SMIM19: variants seen among roughly 807,000 people sequenced by gnomAD.
SMIM19 encodes the protein small integral membrane protein 19.
In SMIM19, 6 loss-of-function variants were observed where a neutral mutation model predicts 13.2. The ratio of observed to expected loss-of-function variants is 0.45; its 90% CI spans 0.25 to 0.90. The LOEUF is 0.90. Ranked by LOEUF, SMIM19 falls within the 40% of genes least tolerant of loss-of-function variation. The probability of loss-of-function intolerance (pLI) is 0.19; values close to 1 mark genes in which losing one functional copy is unlikely to be tolerated. For missense variants in SMIM19, 138 were observed against 131.0 expected (o/e 1.05, Z -0.26); for synonymous variants, 46 against 43.1 (o/e 1.07, Z -0.27).
rs534244281 is a variant in SMIM19 at position 42,544,793 on chromosome 8, C to G, written c.-4-1676C>G. Among the ~76,000 whole-genome samples the G allele has an allele frequency of 5.4e-4, 82 of 152,290 alleles. 2 individuals are homozygous for G. The South Asian group carries it at 0.016, about 30-fold the overall frequency. On this transcript the variant is annotated intron_variant, in intron 1 of 3. Transcript: ENST00000417410. ...ACATGCCATGTGGCTTAGGAACAGA[C>G]CTCTCCTGAAATTTCATTTTTCTCA...
rs1350737173 is a variant in SMIM19, at chr8:42,554,049, T to A, written c.*1441T>A. 2 of 152,104 alleles carry A rather than the reference T, an allele frequency of 1.3e-5. No homozygotes were observed. Among genetic ancestry groups the A allele is most frequent in the African/African-American group, 4.8e-5 (2 of 41,418 alleles). The allele number at this position is 152,104 out of a possible 1,614,324, so 9.4% of individuals were successfully genotyped here. A position where few individuals can be genotyped will look rare whatever the true frequency, so the allele number is the denominator to read the frequency against. Reference sequence around the variant, plus strand: ...TTTCCCCTTATTGTGAAATAAACTATATACATTTTAAATGGAAATTAAGGT... The same window carrying A: ...TTTCCCCTTATTGTGAAATAAACTAAATACATTTTAAATGGAAATTAAGGT... On this transcript the variant is annotated 3_prime_UTR_variant, in exon 4 of 4. Transcript: ENST00000417410.
At chr8:42,548,136 A>C (rs1586327731) in intron 2 of SMIM19, among the ~76,000 whole-genome samples, 1 of 152,120 alleles carries the variant, frequency 6.6e-6, no homozygotes, top group South Asian at 2.1e-4. Context: ...TCCTCTAAAA[A>C]CAGCCACCGC....
Position 42,546,482 on chromosome 8 carries a change from G to T in SMIM19, c.10G>T (p.Gly4Cys), listed in dbSNP as rs368151499. ...TCTCTCTTACAGCCCCATGGCTGGG[G>T]GTTATGGAGTGATGGGTGACGATGG... MAGGYGVMGDDGSI... is the reference protein window; with the variant it reads MAGCYGVMGDDGSI... The change falls in exon 2 of 4, where the codon GGT becomes TGT. Residue 4 changes from glycine to cysteine, a missense_variant. Transcript: ENST00000417410. 19 of 1,611,422 alleles carry T rather than the reference G, an allele frequency of 1.2e-5. No individual in the cohort carries two copies. The African/African-American group carries it at 1.3e-4, about 11-fold the overall frequency.
chr8:42,541,470 G>A (rs1813151368), upstream of SMIM19: 1 of 147,236 alleles, frequency 6.8e-6, no homozygotes, highest in Non-Finnish European at 1.5e-5. Context: ...GGGCGGCACT[G>A]GGGCCGCCGC....
chr8:42,548,514 G>A, intron 2 of SMIM19, 142 bp from the exon 3 acceptor site: 1 of 1,043,802 alleles, frequency 9.6e-7, no homozygotes, highest in Non-Finnish European at 1.4e-6. Context: ...CAAGGAAGCA[G>A]CTCTCAAAGA....
Position 42,542,982 on chromosome 8 carries a change from T to TAAAA in SMIM19, c.-5+622_-5+625dup, listed in dbSNP as rs57392162. On this transcript the variant is annotated intron_variant, in intron 1 of 3. Transcript: ENST00000417410. ...GTGACAGAGTGAGACCCTGTTTTTGTAAAAAAAAAAAAAAAAGTAGTTCTC... is the reference window on the plus strand; with the variant it reads ...GTGACAGAGTGAGACCCTGTTTTTGTAAAAAAAAAAAAAAAAAAAAGTAGTTCTC... 3.3e-3 allele frequency among the ~76,000 whole-genome samples: 456 copies of TAAAA among 139,786 alleles called. 2 individuals carry two copies. The highest frequency in any genetic ancestry group is 0.019 in the East Asian group (89 of 4,762). The allele number at this position is 139,786 out of a possible 152,430, so 91.7% of individuals were successfully genotyped here.
chr8:42,551,336 A>ATCT (rs1813670828), intron 3 of SMIM19, among the ~76,000 whole-genome samples: 1 of 151,600 alleles, frequency 6.6e-6, no homozygotes, highest in African/African-American at 2.4e-5. Context: ...AAAACTTAGA[A>ATCT]GAGATTGAAA....
At chr8:42,551,684 G>A (rs1813679341) in intron 3 of SMIM19, among the ~76,000 whole-genome samples, 1 of 152,294 alleles carries the variant, frequency 6.6e-6, no homozygotes, top group East Asian at 1.9e-4. Flanking sequence ...GCTCACACCT[G>A]TAATCCCAGC....
chr8:42,548,622 A>C (rs1305676322), intron 2 of SMIM19, 34 bp from the exon 3 acceptor site: 2 of 1,611,768 alleles, frequency 1.2e-6, no homozygotes, highest in African/African-American at 2.7e-5. Flanking sequence ...AGACATTAAT[A>C]CAAACATCTC....
intron 3 of SMIM19, among the ~76,000 whole-genome samples, chr8:42,551,621 TAAAG>T (rs1563570302): frequency 6.6e-6 from 1 of 152,028 alleles, no homozygotes; most frequent in Non-Finnish European, 1.5e-5. Context: ...TGACAGGTAA[TAAAG>T]GAAGAAATTA....
intron 3 of SMIM19, among the ~76,000 whole-genome samples, chr8:42,551,632 A>G (rs1586331831): frequency 6.6e-6 from 1 of 152,036 alleles, no homozygotes; most frequent in African/African-American, 2.4e-5. Flanking sequence ...AAAGGAAGAA[A>G]TTACTAAACA....
rs904797960 is a variant in SMIM19, at chr8:42,553,388, G to A, written c.*780G>A. ...CTACTTTAGGCCATACTGGGGACCT[G>A]CTGTTGAATAAATGGATGCCTGTGT... On this transcript the variant is annotated 3_prime_UTR_variant, in exon 4 of 4. Transcript: ENST00000417410. The A allele has an allele frequency of 6.6e-6, 1 of 152,174 alleles. No individual in the cohort carries two copies. Among genetic ancestry groups the A allele is most frequent in the Non-Finnish European group, 1.5e-5 (1 of 68,054 alleles). 9.4% of individuals were successfully genotyped at this position (152,174 alleles called of 1,614,324 possible).
At chr8:42,548,299 C>T in intron 2 of SMIM19, 1 of 437,458 alleles carries the variant, frequency 2.3e-6, no homozygotes, top group South Asian at 1.6e-5. Flanking sequence ...TTCTCCAGCC[C>T]AGTCATTTAG....
rs150657179 is a variant in SMIM19, at chr8:42,547,461, A to G, written c.134+855A>G. ...AACTCTCAATTCTGCAATTTCTAATATAGCCCAATTTTATCATCCAGCCTG... is the reference window on the plus strand; with the variant it reads ...AACTCTCAATTCTGCAATTTCTAATGTAGCCCAATTTTATCATCCAGCCTG... On this transcript the variant is annotated intron_variant, in intron 2 of 3. Transcript: ENST00000417410. Among the ~76,000 whole-genome samples the G allele has an allele frequency of 7.2e-5, 11 of 152,274 alleles. No individual in the cohort carries two copies. In the East Asian group the frequency reaches 1.5e-3, roughly 21 times the overall value.
At chr8:42,544,028 A>C (rs1267163072) in intron 1 of SMIM19, among the ~76,000 whole-genome samples, 1 of 151,914 alleles carries the variant, frequency 6.6e-6, no homozygotes, top group Admixed American at 6.5e-5. Flanking sequence ...CCATGTCTAA[A>C]GTAGGCTGAT....
At chr8:42,552,473 G>C in intron 3 of SMIM19, 71 bp from the exon 4 acceptor site, 1 of 1,458,840 alleles carries the variant, frequency 6.9e-7, no homozygotes. Flanking sequence ...TGACTGTAAT[G>C]TAATATTGTT....
intron 1 of SMIM19, 115 bp from the exon 2 acceptor site, chr8:42,546,354 C>T (rs1813481639): frequency 2.4e-6 from 3 of 1,248,300 alleles, no homozygotes; most frequent in South Asian, 2.2e-5. Flanking sequence ...ATGGGCCGCA[C>T]ACAAACAGGT....
At position 42,554,246 on chromosome 8, in the gene SMIM19, AC is replaced by A. The variant is rs1341151940; in HGVS notation, c.*1639del. The A allele has an allele frequency of 6.6e-6, 1 of 152,218 alleles. No individual in the cohort carries two copies. The highest frequency in any genetic ancestry group is 2.4e-5 in the African/African-American group (1 of 41,452). 9.4% of individuals were successfully genotyped at this position (152,218 alleles called of 1,614,324 possible). A position where few individuals can be genotyped will look rare whatever the true frequency, so the allele number is the denominator to read the frequency against. On this transcript the variant is annotated 3_prime_UTR_variant, in exon 4 of 4. Transcript: ENST00000417410. ...TTTAAATCTGACTAAAGGATTGTAA[AC>A]AGTTGTAATTATGGGTTGTAGTAAC...
chr8:42,551,721 C>G (rs1293231902), intron 3 of SMIM19, among the ~76,000 whole-genome samples: 1 of 152,108 alleles, frequency 6.6e-6, no homozygotes, highest in African/African-American at 2.4e-5. Flanking sequence ...GCAGGATGAT[C>G]GTTTGAGCCC....
Sources: allele counts gnomAD v4.1 joint callset (sites outside exome capture counted in the v4.1 genomes callset), GRCh38; gene constraint gnomAD v4.1.1; transcripts MANE v1.5; gene names NCBI Gene and HGNC (gene_info 2026-07-23, HGNC 2026-07-21).